Variants in GRIA1 observed in about 807,000 individuals in gnomAD.
GRIA1 encodes the protein glutamate ionotropic receptor AMPA type subunit 1.
GRIA1 carries 31 observed loss-of-function variants against 99.2 expected under a neutral mutation model. The observed-to-expected ratio is 0.31, with a 90% CI of 0.23 to 0.42. The LOEUF (loss-of-function observed/expected upper bound fraction) is 0.42, where lower values mean the gene tolerates loss of function less well. Among genes scored for constraint, GRIA1 ranks in the 10% least tolerant of loss-of-function variants. The pLI is 1.00. For missense variants in GRIA1, 782 were observed against 1,157.5 expected, an observed-to-expected ratio of 0.68 and a Z score of 4.71; for synonymous variants, 438 against 432.4, an observed-to-expected ratio of 1.01 and a Z score of -0.16.
chr5:153,705,690 T>C lies in GRIA1; in HGVS notation c.1453-7T>C, dbSNP rs1220924193. ...TTTTTTTTTTTTTTTTTTTTTTTTT[T>C]TTTCAGAGAGCAGATGTGGCTGTGG... On this transcript the variant is annotated splice_polypyrimidine_tract_variant and splice_region_variant and intron_variant, in intron 10 of 15. Transcript: ENST00000285900. 7.8e-7 allele frequency: 1 copy of C among 1,283,638 alleles called. No individual in the cohort carries two copies. Among genetic ancestry groups the C allele is most frequent in the Non-Finnish European group, 9.9e-7 (1 of 1,010,274 alleles). The allele number at this position is 1,283,638 out of a possible 1,614,324, so 79.5% of individuals were successfully genotyped here. A position where few individuals can be genotyped will look rare whatever the true frequency, so the allele number is the denominator to read the frequency against.
At chr5:153,730,707 G>C (rs895761282) in intron 11 of GRIA1, among the ~76,000 whole-genome samples, 5 of 152,102 alleles carry the variant, frequency 3.3e-5, no homozygotes, top group African/African-American at 1.2e-4. Context: ...TCATTGAGCA[G>C]CCTTGAAAGT....
chr5:153,644,115 G>A (rs772928780), intron 2 of GRIA1, among the ~76,000 whole-genome samples: 1 of 152,136 alleles, frequency 6.6e-6, no homozygotes, highest in Non-Finnish European at 1.5e-5. Context: ...AGGTTTATGT[G>A]CTCCCCATAT....
chr5:153,550,037 A>G (rs551881791), intron 2 of GRIA1, among the ~76,000 whole-genome samples: 17 of 152,180 alleles, frequency 1.1e-4, no homozygotes, highest in Non-Finnish European at 2.4e-4. Flanking sequence ...AGAGACAAAA[A>G]TATGTTCCTT....
intron 2 of GRIA1, among the ~76,000 whole-genome samples, chr5:153,579,684 T>G (rs1221899406): frequency 6.6e-6 from 1 of 152,176 alleles, no homozygotes; most frequent in Non-Finnish European, 1.5e-5. Flanking sequence ...TTGTTTTAAT[T>G]TAGCTCACAC....
intron 13 of GRIA1, among the ~76,000 whole-genome samples, chr5:153,791,717 A>AG (rs1211971353): frequency 6.6e-6 from 1 of 152,194 alleles, no homozygotes; most frequent in African/African-American, 2.4e-5. Context: ...CCTGGCCCAC[A>AG]ATAGGCCCTC....
intron 2 of GRIA1, among the ~76,000 whole-genome samples, chr5:153,646,400 CA>C (rs1754150425): frequency 6.6e-6 from 1 of 152,112 alleles, no homozygotes. Context: ...AATTGATAGA[CA>C]ATGTGAGGGG....
At chr5:153,575,197 AAGAG>A (rs3064338) in intron 2 of GRIA1, among the ~76,000 whole-genome samples, 11 of 147,658 alleles carry the variant, frequency 7.4e-5, no homozygotes, top group African/African-American at 1.0e-4. Flanking sequence ...TCAAGAGAGA[AAGAG>A]AGAGAGAGAG....
intron 14 of GRIA1, among the ~76,000 whole-genome samples, chr5:153,796,725 C>T (rs1765668947): frequency 6.6e-6 from 1 of 152,162 alleles, no homozygotes; most frequent in Non-Finnish European, 1.5e-5. Flanking sequence ...CAAGATTGCC[C>T]AGTGACTCAA....
intron 2 of GRIA1, among the ~76,000 whole-genome samples, chr5:153,601,115 A>G (rs1048421681): frequency 7.2e-5 from 11 of 152,208 alleles, no homozygotes; most frequent in African/African-American, 2.4e-4. Flanking sequence ...ATAAACAGCT[A>G]ACACCGACTG....
intron 8 of GRIA1, among the ~76,000 whole-genome samples, chr5:153,690,725 T>C (rs1757682884): frequency 6.6e-6 from 1 of 152,092 alleles, no homozygotes; most frequent in Admixed American, 6.5e-5. Flanking sequence ...CATGAGCAAA[T>C]GGTTGTGCTT....
chr5:153,698,114 C>A lies in GRIA1; in HGVS notation c.1205C>A (p.Ser402Ter). 1.9e-6 allele frequency: 3 copies of A among 1,609,586 alleles called. No homozygotes were observed. Among genetic ancestry groups the A allele is most frequent in the South Asian group, 2.2e-5 (2 of 90,968 alleles). The change falls in exon 9 of 16, where the codon TCA becomes TAA. Residue 402 changes from serine to a stop codon, truncating the protein, a stop_gained. Transcript: ENST00000285900. LOFTEE classifies it high-confidence loss of function. ...GATGCCCAAGCTGGGGGCGATAATT[C>A]AAGTGTTCAGAACAGAACATACATC... ...ATDAQAGGDN[S>*]SVQNRTYIVT...
intron 4 of GRIA1, among the ~76,000 whole-genome samples, chr5:153,651,934 G>C (rs917707720): frequency 5.3e-5 from 8 of 152,184 alleles, no homozygotes; most frequent in African/African-American, 1.9e-4. Context: ...TTGTGACCTT[G>C]ACCAGGTTTT....
At chr5:153,784,650 CACTA>C (rs1053435850) in intron 13 of GRIA1, among the ~76,000 whole-genome samples, 3 of 151,726 alleles carry the variant, frequency 2.0e-5, no homozygotes, top group Non-Finnish European at 4.4e-5. Context: ...GATATAACCC[CACTA>C]ACTATTTTCT....
chr5:153,738,720 CTTTTTTT>C (rs55874747), intron 11 of GRIA1, among the ~76,000 whole-genome samples: 3 of 102,348 alleles, frequency 2.9e-5, no homozygotes, highest in Non-Finnish European at 5.4e-5. Context: ...TCCATACCTT[CTTTTTTT>C]TTTTTTTTTT....
At chr5:153,554,116 G>C (rs1760400656) in intron 2 of GRIA1, among the ~76,000 whole-genome samples, 1 of 152,222 alleles carries the variant, frequency 6.6e-6, no homozygotes, top group African/African-American at 2.4e-5. Context: ...TTGATGGGTT[G>C]AGTTGTAAGT....
At chr5:153,690,501 C>G (rs2149502437) in intron 8 of GRIA1, among the ~76,000 whole-genome samples, 1 of 152,218 alleles carries the variant, frequency 6.6e-6, no homozygotes, top group South Asian at 2.1e-4. Flanking sequence ...AAGACAATGC[C>G]TGTTACACCA....
intron 2 of GRIA1, among the ~76,000 whole-genome samples, chr5:153,534,226 C>T (rs1344060002): frequency 6.6e-6 from 1 of 152,144 alleles, no homozygotes; most frequent in East Asian, 1.9e-4. Flanking sequence ...ACTTAAGTTC[C>T]AAGGAGTGCA....
chr5:153,507,277 T>C (rs1313558062), intron 2 of GRIA1, among the ~76,000 whole-genome samples: 1 of 152,116 alleles, frequency 6.6e-6, no homozygotes, highest in East Asian at 1.9e-4. Flanking sequence ...TTCACACCCC[T>C]TCCAAGAACC....
intron 2 of GRIA1, among the ~76,000 whole-genome samples, chr5:153,565,322 A>G (rs1376776653): frequency 6.6e-6 from 1 of 152,088 alleles, no homozygotes; most frequent in Non-Finnish European, 1.5e-5. Flanking sequence ...GCCACCTTCA[A>G]CTAAAATCTA....
Sources: allele counts gnomAD v4.1 joint callset (sites outside exome capture counted in the v4.1 genomes callset), GRCh38; gene constraint gnomAD v4.1.1; transcripts MANE v1.5; gene names NCBI Gene and HGNC (gene_info 2026-07-23, HGNC 2026-07-21).